Variants in NCK2 observed in about 807,000 individuals in gnomAD.
NCK2 encodes the protein NCK adaptor protein 2, also known as cytoplasmic protein NCK2.
Under a neutral mutation model 33.9 loss-of-function variants are expected in NCK2, and 16 were observed. That is an observed-to-expected ratio of 0.47 (90% CI 0.32 to 0.72). The LOEUF (loss-of-function observed/expected upper bound fraction) is 0.72, where lower values mean the gene tolerates loss of function less well. Ranked by LOEUF, NCK2 falls within the 30% of genes least tolerant of loss-of-function variation. The probability of loss-of-function intolerance (pLI) is 0.03; values close to 1 mark genes in which losing one functional copy is unlikely to be tolerated. For synonymous variants in NCK2, 273 were observed against 239.9 expected, an observed-to-expected ratio of 1.14 and a Z score of -1.27; for missense variants, 418 against 537.3, an observed-to-expected ratio of 0.78 and a Z score of 2.19.
chr2:105,881,083 C>T (rs2104658702), intron 3 of NCK2, among the ~76,000 whole-genome samples: 1 of 151,974 alleles, frequency 6.6e-6, no homozygotes, highest in Middle Eastern at 3.4e-3. Flanking sequence ...CTGTGCTGGC[C>T]CTGTGACATG....
intron 2 of NCK2, among the ~76,000 whole-genome samples, chr2:105,830,447 A>T (rs545017994): frequency 6.6e-6 from 1 of 152,236 alleles, no homozygotes; most frequent in East Asian, 1.9e-4. Flanking sequence ...CACTGTGTAT[A>T]TGTACCACAT....
chr2:105,807,622 C>T (rs1675098770), intron 1 of NCK2, among the ~76,000 whole-genome samples: 1 of 151,970 alleles, frequency 6.6e-6, no homozygotes, highest in African/African-American at 2.4e-5. Context: ...CGCTGGGCAG[C>T]CCTTGAGCCC....
At chr2:105,831,410 C>CTTTTTTTT (rs56247904) in intron 2 of NCK2, among the ~76,000 whole-genome samples, 2 of 144,846 alleles carry the variant, frequency 1.4e-5, no homozygotes, top group African/African-American at 5.1e-5. Context: ...AGCATGATAT[C>CTTTTTTTT]TTTTTTTTTT....
intron 2 of NCK2, among the ~76,000 whole-genome samples, chr2:105,845,226 G>A (rs952302075): frequency 6.6e-6 from 1 of 152,192 alleles, no homozygotes; most frequent in Non-Finnish European, 1.5e-5. Flanking sequence ...GACCTGGGTA[G>A]TGTGGAATCT....
At chr2:105,820,471 G>T (rs537701428) in intron 2 of NCK2, among the ~76,000 whole-genome samples, 5 of 152,188 alleles carry the variant, frequency 3.3e-5, no homozygotes, top group Non-Finnish European at 7.3e-5. Flanking sequence ...CTGAGGGCTT[G>T]AGTAACGTCT....
rs572435024 is a variant in NCK2, at chr2:105,813,404, C to T, written c.-200-3026C>T. On this transcript the variant is annotated intron_variant, in intron 1 of 4. Coordinates refer to ENST00000233154, the MANE Select transcript of NCK2 (RefSeq NM_003581.5). ...ACAGCACCCAGTGGTATTATGTCCA[C>T]AAAGCTCACAGCCTTGGGCTGTCAT... is the stretch of plus-strand genomic sequence containing the variant. Among the ~76,000 whole-genome samples the T allele has an allele frequency of 2.0e-5, 3 of 152,332 alleles. No individual in the cohort carries two copies. In the South Asian group the frequency reaches 6.2e-4, roughly 32 times the overall value.
intron 3 of NCK2, among the ~76,000 whole-genome samples, chr2:105,866,233 T>C (rs562046351): frequency 2.0e-4 from 31 of 152,304 alleles, no homozygotes; most frequent in African/African-American, 7.2e-4. Flanking sequence ...CTTTTAAAAT[T>C]TGGAAACTAT....
intron 2 of NCK2, 177 bp from the exon 3 acceptor site, chr2:105,854,871 C>A (rs7580718): frequency 0.66 from 362,442 of 552,664 alleles, 119,770 homozygotes; most frequent in African/African-American, 0.79. Context: ...GTTTCTAAAC[C>A]AAATACTAAA....
At chr2:105,823,324 G>T (rs1474495250) in intron 2 of NCK2, among the ~76,000 whole-genome samples, 1 of 151,926 alleles carries the variant, frequency 6.6e-6, no homozygotes, top group Non-Finnish European at 1.5e-5. Context: ...TGTCATTCAA[G>T]TTGGGCGTGT....
chr2:105,882,014 G>C lies in NCK2; in HGVS notation c.913G>C (p.Glu305Gln). The change falls in exon 4 of 5, where the codon GAG becomes CAG. Residue 305 changes from glutamate to glutamine, a missense_variant. Physicochemically the swap from Glu to Gln is conservative, Grantham distance 29 (BLOSUM62 2). Transcript: ENST00000233154. ...AECALNERGVEGDFLIRDSES... is the reference protein window; with the variant it reads ...AECALNERGVQGDFLIRDSES... ...GTGCGCCCTCAACGAGCGGGGCGTG[G>C]AGGGCGACTTCCTCATTAGGGACAG... The C allele has an allele frequency of 6.6e-7, 1 of 1,506,154 alleles. No individual in the cohort carries two copies. The highest frequency in any genetic ancestry group is 8.9e-7 in the Non-Finnish European group (1 of 1,126,826). The allele number at this position is 1,506,154 out of a possible 1,614,324, so 93.3% of individuals were successfully genotyped here. A position where few individuals can be genotyped will look rare whatever the true frequency, so the allele number is the denominator to read the frequency against.
At chr2:105,784,755 C>A (rs890216774) in intron 1 of NCK2, among the ~76,000 whole-genome samples, 1 of 152,278 alleles carries the variant, frequency 6.6e-6, no homozygotes, top group South Asian at 2.1e-4. Flanking sequence ...TCCATCCGTT[C>A]CTCAGCAGCC....
intron 1 of NCK2, among the ~76,000 whole-genome samples, chr2:105,749,675 A>G (rs908389974): frequency 1.3e-5 from 2 of 151,834 alleles, no homozygotes; most frequent in South Asian, 2.1e-4. Flanking sequence ...CTGTGTGTAG[A>G]TATTGGTGGA....
At chr2:105,844,762 A>ATT (rs2104559007) in intron 2 of NCK2, among the ~76,000 whole-genome samples, 1 of 146,810 alleles carries the variant, frequency 6.8e-6, no homozygotes, top group African/African-American at 2.5e-5. Flanking sequence ...ATATATATAT[A>ATT]TATATATGTA....
intron 1 of NCK2, among the ~76,000 whole-genome samples, chr2:105,797,893 CT>C (rs979383506): frequency 6.6e-6 from 1 of 152,160 alleles, no homozygotes; most frequent in Non-Finnish European, 1.5e-5. Flanking sequence ...GGCTTCGCAA[CT>C]TTTTTTAAGC....
intron 1 of NCK2, among the ~76,000 whole-genome samples, chr2:105,749,756 C>T (rs1689393701): frequency 6.6e-6 from 1 of 151,850 alleles, no homozygotes; most frequent in East Asian, 1.9e-4. Context: ...ATGTCAGTCT[C>T]TCTTGTCCCC....
intron 1 of NCK2, among the ~76,000 whole-genome samples, chr2:105,761,470 ACTACTTC>A (rs1689762331): frequency 6.6e-6 from 1 of 152,184 alleles, no homozygotes; most frequent in South Asian, 2.1e-4. Flanking sequence ...GTGGGGGGAC[ACTACTTC>A]CTGCTCCACC....
intron 3 of NCK2, among the ~76,000 whole-genome samples, chr2:105,874,616 G>C (rs1366165105): frequency 1.3e-5 from 2 of 152,218 alleles, no homozygotes; most frequent in Non-Finnish European, 2.9e-5. Flanking sequence ...AAACGAATTG[G>C]CTTGAATATG....
chr2:105,756,208 T>C (rs1453954979), intron 1 of NCK2, among the ~76,000 whole-genome samples: 3 of 152,358 alleles, frequency 2.0e-5, no homozygotes, highest in African/African-American at 7.2e-5. Context: ...TATTTCCTGT[T>C]CCATTATTCT....
At chr2:105,888,529 A>T (rs1321090112) in intron 4 of NCK2, among the ~76,000 whole-genome samples, 1 of 152,240 alleles carries the variant, frequency 6.6e-6, no homozygotes, top group Non-Finnish European at 1.5e-5. Context: ...TAGTCCAATC[A>T]TAGAAAATTG....
Sources: allele counts gnomAD v4.1 joint callset (sites outside exome capture counted in the v4.1 genomes callset), GRCh38; gene constraint gnomAD v4.1.1; transcripts MANE v1.5; gene names NCBI Gene and HGNC (gene_info 2026-07-23, HGNC 2026-07-21).